FAM222A: variants seen among roughly 807,000 people sequenced by gnomAD.
FAM222A encodes the protein family with sequence similarity 222 member A, also known as protein FAM222A.
FAM222A carries 7 observed loss-of-function variants against 25.8 expected under a neutral mutation model. The observed-to-expected ratio is 0.27, with a 90% CI of 0.15 to 0.51. The LOEUF (loss-of-function observed/expected upper bound fraction) is 0.51. FAM222A is among the 20% of genes least tolerant of loss of function. FAM222A has a pLI of 0.97. For missense variants in FAM222A, 573 were observed against 640.5 expected (o/e 0.89, Z 1.14); for synonymous variants, 294 against 298.8 (o/e 0.98, Z 0.17).
intron 1 of FAM222A, among the ~76,000 whole-genome samples, chr12:109,741,315 G>A (rs913074205): frequency 6.6e-6 from 1 of 152,188 alleles, no homozygotes; most frequent in African/African-American, 2.4e-5. Flanking sequence ...CAGGCTGCCT[G>A]TAGCCCTCCA....
intron 2 of FAM222A, among the ~76,000 whole-genome samples, chr12:109,767,396 C>T (rs1426793758): frequency 1.3e-5 from 2 of 152,088 alleles, no homozygotes; most frequent in Non-Finnish European, 2.9e-5. Context: ...GGCATGCTAG[C>T]GCATGCCTAG....
rs1339786123 is a variant in FAM222A at position 109,713,986 on chromosome 12, G to C, written c.-958G>C. 1.6e-4 allele frequency among the ~76,000 whole-genome samples: 24 copies of C among 146,578 alleles called. 2 individuals are homozygous for C. The South Asian group carries it at 4.2e-3, about 25-fold the overall frequency. ...CCAGGCGAGGCGCCGGCGCGCGCCAGACGGCGCGAGGCTGCGGCCCCGGGA... is the reference window on the plus strand; with the variant it reads ...CCAGGCGAGGCGCCGGCGCGCGCCACACGGCGCGAGGCTGCGGCCCCGGGA... On this transcript the variant is annotated 5_prime_UTR_variant, in exon 1 of 3. Coordinates refer to ENST00000538780, the MANE Select transcript of FAM222A (RefSeq NM_032829.3).
intron 2 of FAM222A, among the ~76,000 whole-genome samples, chr12:109,763,667 A>G (rs1432830164): frequency 2.6e-5 from 4 of 152,166 alleles, no homozygotes; most frequent in African/African-American, 7.2e-5. Context: ...AGCCACAACT[A>G]CTTTTATGAC....
chr12:109,767,890 T>G (rs1889101562), intron 2 of FAM222A, 122 bp from the exon 3 acceptor site: 1 of 1,005,078 alleles, frequency 9.9e-7, no homozygotes, highest in Non-Finnish European at 1.4e-6. Context: ...AGTTTAAAAA[T>G]GTAGAAGGAA....
chr12:109,765,934 C>T (rs552299744), intron 2 of FAM222A, among the ~76,000 whole-genome samples: 3 of 152,308 alleles, frequency 2.0e-5, no homozygotes, highest in South Asian at 2.1e-4. Flanking sequence ...GCACATGACC[C>T]GTCAAACCCT....
chr12:109,762,263 C>T (rs12309837), intron 2 of FAM222A, among the ~76,000 whole-genome samples: 23,550 of 152,174 alleles, frequency 0.15, 2,027 homozygotes, highest in East Asian at 0.31. Flanking sequence ...GAGGGTGCAG[C>T]TGCCCTGTGA....
At chr12:109,723,874 G>A (rs1887794901) in intron 1 of FAM222A, among the ~76,000 whole-genome samples, 1 of 152,206 alleles carries the variant, frequency 6.6e-6, no homozygotes, top group African/African-American at 2.4e-5. Context: ...CAAAGTGGGA[G>A]TTTAATTGCA....
At chr12:109,764,451 A>T (rs1888986769) in intron 2 of FAM222A, among the ~76,000 whole-genome samples, 1 of 152,096 alleles carries the variant, frequency 6.6e-6, no homozygotes. Flanking sequence ...CACCTAATTT[A>T]TTCCGTCCAT....
Position 109,718,849 on chromosome 12 carries a change from T to C in FAM222A, c.-47+3952T>C, listed in dbSNP as rs896849141. On this transcript the variant is annotated intron_variant, in intron 1 of 2. Transcript: ENST00000538780. Reference sequence around the variant, plus strand: ...ACTATTTTAGTCTGCACGGGCTGGGTGTAGGGAGGGAGATTCTGGAAAGGG... The same window carrying C: ...ACTATTTTAGTCTGCACGGGCTGGGCGTAGGGAGGGAGATTCTGGAAAGGG... Among the ~76,000 whole-genome samples, 9 of 152,206 alleles carry C rather than the reference T, an allele frequency of 5.9e-5. No individual in the cohort carries two copies. In the South Asian group the frequency reaches 1.9e-3, roughly 32 times the overall value.
chr12:109,736,367 C>T (rs777991205), intron 1 of FAM222A, among the ~76,000 whole-genome samples: 1 of 152,214 alleles, frequency 6.6e-6, no homozygotes, highest in Non-Finnish European at 1.5e-5. Flanking sequence ...GACCCTGGCA[C>T]TTTGTTGTAA....
rs370875923 is a variant in FAM222A, at chr12:109,736,606, C to T, written c.-46-7495C>T. On this transcript the variant is annotated intron_variant, in intron 1 of 2. Coordinates refer to ENST00000538780, the MANE Select transcript of FAM222A (RefSeq NM_032829.3). ...CGCTTGTCTCCCTGCCTTGTAATTACCCCTCTGATGCCTCCCATCCACTCA... is the reference window on the plus strand; with the variant it reads ...CGCTTGTCTCCCTGCCTTGTAATTATCCCTCTGATGCCTCCCATCCACTCA... Among the ~76,000 whole-genome samples, 42 of 152,324 alleles carry T rather than the reference C, an allele frequency of 2.8e-4. 2 individuals carry two copies. The South Asian group carries it at 8.5e-3, about 31-fold the overall frequency.
In FAM222A at chr12:109,713,897, C is replaced by T. The variant is rs938002072; in HGVS notation, c.-1047C>T. ...CCGCGGAGAGGCTGCGCGCGCCGGC[C>T]GGGGGAGGCGGACAGCCGGGCCCGG... On this transcript the variant is annotated 5_prime_UTR_variant, in exon 1 of 3. Coordinates refer to ENST00000538780, the MANE Select transcript of FAM222A (RefSeq NM_032829.3). Among the ~76,000 whole-genome samples the T allele has an allele frequency of 1.8e-4, 26 of 146,948 alleles. No individual in the cohort carries two copies. Among genetic ancestry groups the T allele is most frequent in the Non-Finnish European group, 3.0e-4 (20 of 66,100 alleles).
intron 1 of FAM222A, among the ~76,000 whole-genome samples, chr12:109,728,703 G>C (rs1167610708): frequency 6.6e-6 from 1 of 152,154 alleles, no homozygotes; most frequent in Non-Finnish European, 1.5e-5. Context: ...CCATCTCTTC[G>C]TGCACAGTGT....
At chr12:109,752,638 CTG>C (rs10589562) in intron 2 of FAM222A, among the ~76,000 whole-genome samples, 24,116 of 152,208 alleles carry the variant, frequency 0.16, 2,087 homozygotes, top group East Asian at 0.31. Context: ...TCTCCTCCCT[CTG>C]TAAAACAAGG....
rs1337483842 is a variant in FAM222A, at chr12:109,770,483, A to G, written c.*1195A>G. The G allele has an allele frequency of 6.6e-6, 1 of 152,496 alleles. No homozygotes were observed. The highest frequency in any genetic ancestry group is 2.4e-5 in the African/African-American group (1 of 41,470). 9.4% of individuals were successfully genotyped at this position (152,496 alleles called of 1,614,324 possible). A position where few individuals can be genotyped will look rare whatever the true frequency, so the allele number is the denominator to read the frequency against. Reference sequence around the variant, plus strand: ...TTTTAAAAACGAAGAGAAAGAAGAAAAAGGAAAACACAGATGGTGTCTCAG... The same window carrying G: ...TTTTAAAAACGAAGAGAAAGAAGAAGAAGGAAAACACAGATGGTGTCTCAG... On this transcript the variant is annotated 3_prime_UTR_variant, in exon 3 of 3. Transcript: ENST00000538780.
intron 2 of FAM222A, among the ~76,000 whole-genome samples, chr12:109,747,442 C>T (rs1003815459): frequency 6.6e-6 from 1 of 152,154 alleles, no homozygotes; most frequent in Non-Finnish European, 1.5e-5. Context: ...CCTTGTTCTC[C>T]CCCTCTACCC....
chr12:109,730,235 G>C (rs1407132249), intron 1 of FAM222A, among the ~76,000 whole-genome samples: 2 of 152,174 alleles, frequency 1.3e-5, no homozygotes, highest in African/African-American at 4.8e-5. Flanking sequence ...GTGAATGTGG[G>C]TTCAAATCCC....
At chr12:109,720,396 G>A (rs1887726198) in intron 1 of FAM222A, among the ~76,000 whole-genome samples, 2 of 152,376 alleles carry the variant, frequency 1.3e-5, no homozygotes, top group South Asian at 4.1e-4. Context: ...AGGATTCGCT[G>A]CCAGGGCACG....
intron 2 of FAM222A, among the ~76,000 whole-genome samples, chr12:109,753,029 T>C (rs1020631432): frequency 6.6e-6 from 1 of 152,178 alleles, no homozygotes; most frequent in Non-Finnish European, 1.5e-5. Context: ...TCTCAACTGC[T>C]CAGGGCCTTC....
Sources: gnomAD v4.1 joint callset for allele counts (sites outside exome capture counted in the v4.1 genomes callset) on GRCh38, gnomAD v4.1.1 for gene constraint, MANE v1.5 for transcripts, NCBI Gene and HGNC (gene_info 2026-07-23, HGNC 2026-07-21) for gene names.